CDH22: variants seen among roughly 807,000 people sequenced by gnomAD.
CDH22 encodes cadherin-22.
Under a neutral mutation model 58.4 loss-of-function variants are expected in CDH22, and 30 were observed. The observed-to-expected ratio is 0.51, with a 90% CI of 0.38 to 0.70. The LOEUF is 0.70. CDH22 is among the 30% of genes least tolerant of loss of function. CDH22 has a pLI of 0.00. For synonymous variants in CDH22, 513 were observed against 558.2 expected, an observed-to-expected ratio of 0.92 and a Z score of 1.14; for missense variants, 1,014 against 1,233.9, an observed-to-expected ratio of 0.82 and a Z score of 2.67.
At chr20:46,255,338 A>G (rs534144832) in intron 1 of CDH22, among the ~76,000 whole-genome samples, 14 of 152,342 alleles carry the variant, frequency 9.2e-5, no homozygotes, top group African/African-American at 1.7e-4. Flanking sequence ...AGAGGGGGAA[A>G]GTAGAGCCCA....
intron 8 of CDH22, among the ~76,000 whole-genome samples, chr20:46,197,377 TC>T (rs2085913805): frequency 1.3e-5 from 2 of 152,170 alleles, no homozygotes; most frequent in East Asian, 3.9e-4. Context: ...CGATTCTGTC[TC>T]CTATGAAATG....
chr20:46,241,081 G>A lies in CDH22; in HGVS notation c.432C>T (p.Thr144=). The stretch of plus-strand genomic sequence containing the variant: ...CCGACTCGGGCTCCAGTAGGCGGTT[G>A]GTGGCGCGATCCCGAGCCTGGGCCC... ...TLRAQARDRA[T]NRLLEPESEF... The change falls in exon 3 of 12, where the codon ACC becomes ACT. Residue 144 remains threonine (T), a synonymous_variant. Transcript: ENST00000537909. The surrounding 1 kb of genome is among the most constrained non-coding windows in gnomAD (Gnocchi z 5.2). The A allele has an allele frequency of 6.2e-7, 1 of 1,614,186 alleles. No homozygotes were observed. The highest frequency in any genetic ancestry group is 8.5e-7 in the Non-Finnish European group (1 of 1,180,028).
chr20:46,207,176 G>T (rs531273590), intron 7 of CDH22, among the ~76,000 whole-genome samples: 1 of 152,340 alleles, frequency 6.6e-6, no homozygotes, highest in African/African-American at 2.4e-5. Flanking sequence ...CATCTGAGGA[G>T]CCCCAGGGAA....
At chr20:46,267,325 C>T (rs2086465632) in intron 1 of CDH22, among the ~76,000 whole-genome samples, 1 of 152,220 alleles carries the variant, frequency 6.6e-6, no homozygotes, top group Admixed American at 6.5e-5. Flanking sequence ...CCCGAGCCAA[C>T]TGCTACATGT....
chr20:46,203,220 T>G (rs540482554), intron 7 of CDH22, among the ~76,000 whole-genome samples: 1 of 151,822 alleles, frequency 6.6e-6, no homozygotes, highest in Non-Finnish European at 1.5e-5. Flanking sequence ...AGCCCAGGTG[T>G]TTTTATTCCA....
At chr20:46,204,222 G>A (rs60850379) in intron 7 of CDH22, among the ~76,000 whole-genome samples, 3,905 of 151,868 alleles carry the variant, frequency 0.026, 184 homozygotes, top group African/African-American at 0.09. Context: ...GTGAAACTCC[G>A]TCTCTACTAA....
rs776885383 is a variant in CDH22, at chr20:46,178,186, C to T, written c.1675G>A (p.Ala559Thr). 2.5e-5 allele frequency: 41 copies of T among 1,612,778 alleles called. No homozygotes were observed. Among genetic ancestry groups the T allele is most frequent in the Non-Finnish European group, 3.2e-5 (38 of 1,179,190 alleles). The change falls in exon 11 of 12, where the codon GCA becomes ACA. Residue 559 changes from alanine (A) to threonine (T), a missense_variant. Physicochemically the swap from Ala to Thr is moderately conservative, Grantham distance 58. Transcript: ENST00000537909. ...SLLDIQDNTAAVHTQHVGFNR... is the reference protein window; with the variant it reads ...SLLDIQDNTATVHTQHVGFNR... Reference sequence around the variant, plus strand: ...AAGCCCACGTGCTGCGTGTGCACTGCAGCGGTGTTGTCTGTTCCGGAAGAA... The same window carrying T: ...AAGCCCACGTGCTGCGTGTGCACTGTAGCGGTGTTGTCTGTTCCGGAAGAA...
At chr20:46,226,317 G>T (rs1459483205) in intron 4 of CDH22, among the ~76,000 whole-genome samples, 4 of 139,668 alleles carry the variant, frequency 2.9e-5, no homozygotes, top group South Asian at 2.3e-4. Context: ...ACAGGGTCTT[G>T]CTCTGTTGCT....
chr20:46,232,021 G>A (rs1377233689), intron 3 of CDH22, among the ~76,000 whole-genome samples: 1 of 152,196 alleles, frequency 6.6e-6, no homozygotes, highest in Non-Finnish European at 1.5e-5. Flanking sequence ...ACCTGGGGCT[G>A]TGCCTCCCTG....
chr20:46,203,949 C>CGT (rs1033050139), intron 7 of CDH22, among the ~76,000 whole-genome samples: 5 of 152,110 alleles, frequency 3.3e-5, no homozygotes, highest in South Asian at 2.1e-4. Flanking sequence ...TGTGGCAGCT[C>CGT]GTGTGTGTGT....
At chr20:46,199,635 A>C in intron 7 of CDH22, 76 bp from the exon 8 acceptor site, 1 of 1,518,850 alleles carries the variant, frequency 6.6e-7, no homozygotes, top group East Asian at 2.3e-5. Context: ...TCCCAACCCC[A>C]CTCCAAGAGA....
chr20:46,226,252 TC>T (rs1568665188), intron 4 of CDH22, among the ~76,000 whole-genome samples: 133 of 9,072 alleles, frequency 0.015, 1 homozygote, highest in African/African-American at 0.1. Flanking sequence ...TTCTTCTTCT[TC>T]TTCTTCTTCT....
intron 3 of CDH22, among the ~76,000 whole-genome samples, chr20:46,239,185 T>A (rs2145724509): frequency 6.6e-6 from 1 of 152,362 alleles, no homozygotes; most frequent in Admixed American, 6.5e-5. Context: ...CTTCTGCCTT[T>A]TCACTGCTGT....
intron 2 of CDH22, among the ~76,000 whole-genome samples, chr20:46,249,969 T>C (rs536531541): frequency 6.6e-6 from 1 of 152,336 alleles, no homozygotes; most frequent in Admixed American, 6.5e-5. Context: ...ACTCAGTGCC[T>C]GGTGCTGACT....
Position 46,186,822 on chromosome 20 carries a change from G to T in CDH22, c.1545+4C>A, listed in dbSNP as rs760564868. The T allele has an allele frequency of 6.2e-7, 1 of 1,600,764 alleles. No homozygotes were observed. The highest frequency in any genetic ancestry group is 1.1e-5 in the South Asian group (1 of 88,574). On this transcript the variant is annotated splice_donor_region_variant and intron_variant, in intron 9 of 11. Coordinates refer to ENST00000537909, the MANE Select transcript of CDH22 (RefSeq NM_021248.3). ...ACGCCCAGTCCCCACCCCCTCAGGGGTACCTGGCCTGGCTTGGCATCCTCG... is the reference window on the plus strand; with the variant it reads ...ACGCCCAGTCCCCACCCCCTCAGGGTTACCTGGCCTGGCTTGGCATCCTCG...
chr20:46,246,653 C>T (rs926346753), intron 2 of CDH22, among the ~76,000 whole-genome samples: 8 of 152,056 alleles, frequency 5.3e-5, no homozygotes, highest in Non-Finnish European at 8.8e-5. Context: ...TGGCGACAAC[C>T]GCGGGGCCCA....
chr20:46,207,810 A>G (rs2086012215), intron 7 of CDH22, among the ~76,000 whole-genome samples: 1 of 152,152 alleles, frequency 6.6e-6, no homozygotes, highest in African/African-American at 2.4e-5. Context: ...CTCTCCTGAT[A>G]TTTACACCAT....
intron 11 of CDH22, 66 bp downstream of exon 11, chr20:46,177,880 G>T: frequency 6.3e-7 from 1 of 1,580,036 alleles, no homozygotes. Context: ...GGCTGGTTAG[G>T]AAGGAAACCC....
At chr20:46,247,994 T>C (rs2086343069) in intron 2 of CDH22, among the ~76,000 whole-genome samples, 2 of 152,166 alleles carry the variant, frequency 1.3e-5, no homozygotes, top group Non-Finnish European at 1.5e-5. Flanking sequence ...CCCAGCACAG[T>C]GCTTGGCTCC....
Sources: gnomAD v4.1 joint callset for allele counts (sites outside exome capture counted in the v4.1 genomes callset) on GRCh38, gnomAD v4.1.1 for gene constraint, Gnocchi (gnomAD v3.1) non-coding constraint, MANE v1.5 for transcripts, NCBI Gene and HGNC (gene_info 2026-07-23, HGNC 2026-07-21) for gene names.